SAMD3: variants seen among roughly 807,000 people sequenced by gnomAD.
The protein encoded by SAMD3 is sterile alpha motif domain-containing protein 3.
Under a neutral mutation model 58.5 loss-of-function variants are expected in SAMD3, and 63 were observed. That is an observed-to-expected ratio of 1.08 (90% confidence interval 0.88 to 1.33). The LOEUF is 1.33. Among genes scored for constraint, SAMD3 ranks in the 40% most tolerant of loss-of-function variants. The pLI is 0.00. For synonymous variants in SAMD3, 220 were observed against 210.3 expected (o/e 1.05, Z -0.40); for missense variants, 604 against 608.4 (o/e 0.99, Z 0.08).
At chr6:130,308,324 C>T (rs1775976633) in intron 2 of SAMD3, among the ~76,000 whole-genome samples, 1 of 148,722 alleles carries the variant, frequency 6.7e-6, no homozygotes, top group Admixed American at 6.7e-5. Flanking sequence ...TGTATCTCAA[C>T]CTCCTCAATT....
At chr6:130,235,543 A>C (rs1178930193) in intron 2 of SAMD3, among the ~76,000 whole-genome samples, 33 of 152,186 alleles carry the variant, frequency 2.2e-4, no homozygotes, top group Non-Finnish European at 4.4e-5. Context: ...AGTCAAAAAA[A>C]CTAAAAGGAA....
At chr6:130,206,069 A>T (rs1245462789) in intron 5 of SAMD3, among the ~76,000 whole-genome samples, 1 of 152,224 alleles carries the variant, frequency 6.6e-6, no homozygotes, top group African/African-American at 2.4e-5. Flanking sequence ...GCCCCATCTC[A>T]GCCCACAGCT....
chr6:130,325,666 C>T (rs990449012), intron 1 of SAMD3, among the ~76,000 whole-genome samples: 1 of 152,206 alleles, frequency 6.6e-6, no homozygotes, highest in Non-Finnish European at 1.5e-5. Flanking sequence ...ATCCCTTAAG[C>T]CAGTCAAGGT....
chr6:130,255,648 T>C (rs1773899130), intron 2 of SAMD3, among the ~76,000 whole-genome samples: 1 of 152,158 alleles, frequency 6.6e-6, no homozygotes, highest in Non-Finnish European at 1.5e-5. Flanking sequence ...TTACATATTC[T>C]ATTTTTTTAA....
chr6:130,240,615 GTTGGGAAGTGGGGCCTT>G (rs530328796), intron 2 of SAMD3, among the ~76,000 whole-genome samples: 2 of 152,310 alleles, frequency 1.3e-5, no homozygotes, highest in African/African-American at 4.8e-5. Context: ...ATGTGACTGT[GTTGGGAAGTGGGGCCTT>G]TTGGGAAGTG....
At position 130,144,462 on chromosome 6, in the gene SAMD3, T is replaced by A. The variant is rs1788431996; in HGVS notation, c.*58A>T. 2 of 1,538,820 alleles carry A rather than the reference T, an allele frequency of 1.3e-6. No homozygotes were observed. The highest frequency in any genetic ancestry group is 2.0e-5 in the Admixed American group (1 of 51,164). On this transcript the variant is annotated 3_prime_UTR_variant, in exon 12 of 12. Coordinates refer to ENST00000439090, the MANE Select transcript of SAMD3 (RefSeq NM_001017373.4). ...TACCACAACCCTAAATCAAAACAAT[T>A]TCTTATGAAGCTTCAGTTTTCCCAG...
At chr6:130,280,829 T>C (rs1266162397) in intron 2 of SAMD3, among the ~76,000 whole-genome samples, 2 of 152,232 alleles carry the variant, frequency 1.3e-5, no homozygotes, top group Non-Finnish European at 2.9e-5. Flanking sequence ...AGGATAATTA[T>C]AATATGCTAA....
In SAMD3 at chr6:130,144,940, A is replaced by G. The variant is rs1468047698; in HGVS notation, c.1279-136T>C. The G allele has an allele frequency of 4.5e-6, 4 of 896,948 alleles. No individual in the cohort carries two copies. The African/African-American group carries it at 5.1e-5, about 11-fold the overall frequency. 55.6% of individuals were successfully genotyped at this position (896,948 alleles called of 1,614,324 possible). A position where few individuals can be genotyped will look rare whatever the true frequency, so the allele number is the denominator to read the frequency against. On this transcript the variant is annotated intron_variant, in intron 11 of 11. Transcript: ENST00000439090. ...TTGTAAATATGACAAACATACTTCAAAATAGACCACCAACTTTGCTTTTAA... is the reference window on the plus strand; with the variant it reads ...TTGTAAATATGACAAACATACTTCAGAATAGACCACCAACTTTGCTTTTAA...
intron 2 of SAMD3, among the ~76,000 whole-genome samples, chr6:130,305,845 G>C (rs987785658): frequency 1.3e-5 from 2 of 152,136 alleles, no homozygotes; most frequent in African/African-American, 4.8e-5. Context: ...GTCTGTTTGG[G>C]CTTCTATAAC....
chr6:130,199,883 C>A (rs1431030858), intron 5 of SAMD3, among the ~76,000 whole-genome samples: 1 of 152,130 alleles, frequency 6.6e-6, no homozygotes, highest in Non-Finnish European at 1.5e-5. Context: ...GGCTCTCACA[C>A]CTGGCAATAA....
chr6:130,233,174 T>C (rs1359903742), intron 2 of SAMD3, among the ~76,000 whole-genome samples: 1 of 152,188 alleles, frequency 6.6e-6, no homozygotes, highest in Non-Finnish European at 1.5e-5. Context: ...GGCTACAAAT[T>C]TGTGGATTTC....
chr6:130,362,193 T>G (rs1778008319), intron 1 of SAMD3, among the ~76,000 whole-genome samples: 1 of 152,200 alleles, frequency 6.6e-6, no homozygotes, highest in Admixed American at 6.5e-5. Context: ...GTGCAGTGCT[T>G]TTCAAATATT....
chr6:130,229,187 C>A (rs1178977550), intron 2 of SAMD3, among the ~76,000 whole-genome samples: 1 of 152,182 alleles, frequency 6.6e-6, no homozygotes, highest in East Asian at 1.9e-4. Flanking sequence ...TTCTCGTGCC[C>A]AAGCATGGCC....
intron 2 of SAMD3, among the ~76,000 whole-genome samples, chr6:130,258,664 A>G (rs2114919086): frequency 6.6e-6 from 1 of 151,800 alleles, no homozygotes; most frequent in East Asian, 1.9e-4. Context: ...GAACCTTCTC[A>G]CCTCCTTATC....
chr6:130,305,619 T>G (rs1374512367), intron 2 of SAMD3, among the ~76,000 whole-genome samples: 2 of 152,168 alleles, frequency 1.3e-5, no homozygotes, highest in African/African-American at 4.8e-5. Flanking sequence ...GAATGGATAT[T>G]AAATTTTGTT....
At chr6:130,321,388 G>T (rs1776580286) in intron 1 of SAMD3, among the ~76,000 whole-genome samples, 1 of 152,114 alleles carries the variant, frequency 6.6e-6, no homozygotes, top group African/African-American at 2.4e-5. Flanking sequence ...AACCCTGATG[G>T]CTGACTTGTG....
At chr6:130,330,144 C>T (rs189454362) in intron 1 of SAMD3, among the ~76,000 whole-genome samples, 2 of 152,256 alleles carry the variant, frequency 1.3e-5, no homozygotes, top group Admixed American at 1.3e-4. Flanking sequence ...GTAATTGCAG[C>T]ATAGTACATT....
chr6:130,163,434 C>T (rs538313673), intron 8 of SAMD3, among the ~76,000 whole-genome samples: 2 of 152,158 alleles, frequency 1.3e-5, no homozygotes, highest in African/African-American at 4.8e-5. Context: ...TGATGTACCC[C>T]CTATGGAACT....
intron 8 of SAMD3, among the ~76,000 whole-genome samples, chr6:130,162,534 A>G (rs751541160): frequency 6.6e-5 from 10 of 152,160 alleles, no homozygotes; most frequent in Non-Finnish European, 1.3e-4. Context: ...AGAAAACGGT[A>G]TCTTGCCATG....
Sources: allele counts gnomAD v4.1 joint callset (sites outside exome capture counted in the v4.1 genomes callset), GRCh38; gene constraint gnomAD v4.1.1; transcripts MANE v1.5; gene names NCBI Gene and HGNC (gene_info 2026-07-23, HGNC 2026-07-21).